The following DHRSX variants were observed in gnomAD, a reference collection of about 807,000 sequenced individuals.
DHRSX encodes the protein dehydrogenase/reductase X-linked, also known as polyprenol dehydrogenase.
DHRSX carries 31 observed loss-of-function variants against 34.0 expected under a neutral mutation model. The observed-to-expected ratio is 0.91, with a 90% CI of 0.69 to 1.23. DHRSX has a LOEUF of 1.23. DHRSX is among the 50% of genes most tolerant of loss of function. DHRSX has a pLI of 0.00. For missense variants in DHRSX, 414 were observed against 428.1 expected (o/e 0.97, Z 0.29); for synonymous variants, 201 against 183.8 (o/e 1.09, Z -0.76).
intron 5 of DHRSX, among the ~76,000 whole-genome samples, chrX:2,257,508 A>G (rs2041295588): frequency 6.6e-6 from 1 of 152,208 alleles, no homozygotes; most frequent in Non-Finnish European, 1.5e-5. Flanking sequence ...GGCGTGTTCT[A>G]TTCTACCAAG....
intron 3 of DHRSX, among the ~76,000 whole-genome samples, chrX:2,398,773 A>C (rs1296208539): frequency 6.7e-6 from 1 of 148,152 alleles, no homozygotes; most frequent in Non-Finnish European, 1.5e-5. Context: ...AGGTTCAAGC[A>C]ATTCTCCTGC....
chrX:2,414,624 C>T (rs946103475), intron 2 of DHRSX, among the ~76,000 whole-genome samples: 8 of 151,900 alleles, frequency 5.3e-5, no homozygotes, highest in Non-Finnish European at 1.2e-4. Flanking sequence ...ATAACCAAAC[C>T]AACTAGACCT....
chrX:2,371,404 A>ATTACCATAGTCCCTCCTCCG (rs1556494394), intron 3 of DHRSX, among the ~76,000 whole-genome samples: 1,529 of 142,692 alleles, frequency 0.011, 46 homozygotes, highest in African/African-American at 0.039. Flanking sequence ...CCCTTCTCAC[A>ATTACCATAGTCCCTCCTCCG]TTACCATAGT....
At chrX:2,410,709 T>C (rs1177188476) in intron 2 of DHRSX, among the ~76,000 whole-genome samples, 1 of 152,214 alleles carries the variant, frequency 6.6e-6, no homozygotes, top group African/African-American at 2.4e-5. Flanking sequence ...GAAAATGTTT[T>C]CAGCAAAGAG....
chrX:2,318,919 A>C (rs771300800), intron 3 of DHRSX, among the ~76,000 whole-genome samples: 1 of 152,196 alleles, frequency 6.6e-6, no homozygotes, highest in East Asian at 1.9e-4. Flanking sequence ...CCTTTCCAGT[A>C]AACAACGCCT....
intron 4 of DHRSX, among the ~76,000 whole-genome samples, chrX:2,290,206 G>A (rs1441780444): frequency 6.6e-6 from 1 of 152,100 alleles, no homozygotes. Context: ...CAAGTGGGTT[G>A]AGGGGGAACC....
At chrX:2,410,469 T>A (rs559569490) in intron 2 of DHRSX, among the ~76,000 whole-genome samples, 2 of 152,196 alleles carry the variant, frequency 1.3e-5, no homozygotes, top group African/African-American at 4.8e-5. Flanking sequence ...AGTGAGGTGT[T>A]CTGTAGTACA....
At chrX:2,438,195 C>T (rs912708955) in intron 1 of DHRSX, among the ~76,000 whole-genome samples, 2 of 144,446 alleles carry the variant, frequency 1.4e-5, no homozygotes, top group Non-Finnish European at 3.1e-5. Context: ...AAAAAAAAAA[C>T]CTGAATGGTC....
intron 6 of DHRSX, among the ~76,000 whole-genome samples, chrX:2,231,698 C>T (rs1015898228): frequency 7.5e-5 from 11 of 147,286 alleles, no homozygotes; most frequent in Admixed American, 1.4e-4. Context: ...CTTGCCTTTT[C>T]ACTCTCTATT....
chrX:2,491,390 C>CAGG (rs2124112856), intron 1 of DHRSX, among the ~76,000 whole-genome samples: 1 of 152,276 alleles, frequency 6.6e-6, no homozygotes, highest in African/African-American at 2.4e-5. Context: ...TCTGTCATCG[C>CAGG]AGGGGCTTGT....
chrX:2,329,565 T>C (rs1458495069), intron 3 of DHRSX, among the ~76,000 whole-genome samples: 1 of 152,156 alleles, frequency 6.6e-6, no homozygotes, highest in Non-Finnish European at 1.5e-5. Flanking sequence ...CTGAAACTAC[T>C]AGGCATAGAT....
chrX:2,276,591 C>T (rs1457625403), intron 4 of DHRSX, among the ~76,000 whole-genome samples: 1 of 152,018 alleles, frequency 6.6e-6, no homozygotes, highest in Non-Finnish European at 1.5e-5. Flanking sequence ...GGGGAGTGAA[C>T]GCTCAGGGTC....
At position 2,271,824 on chromosome X, in the gene DHRSX, T is replaced by A. The variant is rs764036548; in HGVS notation, c.389-4877A>T. Among the ~76,000 whole-genome samples the A allele has an allele frequency of 2.6e-5, 4 of 152,040 alleles. No individual in the cohort carries two copies. In the South Asian group the frequency reaches 8.3e-4, roughly 32 times the overall value. On this transcript the variant is annotated intron_variant, in intron 4 of 6. Transcript: ENST00000334651. ...TCAGAGGGCGAAGCGGGCAGATCAG[T>A]TCAGGTCAGGAGTTCGAGACCAGCT...
chrX:2,448,496 T>C (rs1353708572), intron 1 of DHRSX, among the ~76,000 whole-genome samples: 4 of 149,458 alleles, frequency 2.7e-5, no homozygotes. Flanking sequence ...GTAGGTGAGG[T>C]GATATAGGTT....
At chrX:2,473,403 C>G (rs2044624411) in intron 1 of DHRSX, among the ~76,000 whole-genome samples, 1 of 152,124 alleles carries the variant, frequency 6.6e-6, no homozygotes, top group South Asian at 2.1e-4. Context: ...GCGGATGGAT[C>G]ACCTGAAGTC....
chrX:2,302,424 C>T (rs1232877897), intron 3 of DHRSX, among the ~76,000 whole-genome samples: 1 of 152,076 alleles, frequency 6.6e-6, no homozygotes, highest in African/African-American at 2.4e-5. Flanking sequence ...CCAGCCTGGC[C>T]AACACGGTGA....
At chrX:2,239,609 TA>T (rs200940450) in intron 6 of DHRSX, among the ~76,000 whole-genome samples, 3,242 of 147,232 alleles carry the variant, frequency 0.022, 128 homozygotes, top group African/African-American at 0.075. Context: ...AAATAAAAAA[TA>T]AAAAAAAAAT....
Position 2,448,228 on chromosome X carries a change from C to T in DHRSX, c.110-22924G>A, listed in dbSNP as rs1264468964. On this transcript the variant is annotated intron_variant, in intron 1 of 6. Coordinates refer to ENST00000334651, the MANE Select transcript of DHRSX (RefSeq NM_145177.3). ...TGGTGTGCACCTGTAGTCCCAGCTA[C>T]CTGGGAGGCTCAGGAGGGTCACCTG... Among the ~76,000 whole-genome samples, 5 of 151,910 alleles carry T rather than the reference C, an allele frequency of 3.3e-5. 1 individual carries two copies. Among genetic ancestry groups the T allele is most frequent in the African/African-American group, 1.2e-4 (5 of 41,340 alleles).
intron 3 of DHRSX, among the ~76,000 whole-genome samples, chrX:2,314,217 G>A (rs1467175296): frequency 5.6e-5 from 1 of 17,856 alleles, no homozygotes; most frequent in Non-Finnish European, 1.2e-4. Context: ...AGGGAGGGAA[G>A]GAGGGAAGGA....
Sources: gnomAD v4.1 joint callset for allele counts (sites outside exome capture counted in the v4.1 genomes callset) on GRCh38, gnomAD v4.1.1 for gene constraint, MANE v1.5 for transcripts, NCBI Gene and HGNC (gene_info 2026-07-23, HGNC 2026-07-21) for gene names.